Variants in SGMS1 observed in about 807,000 individuals in gnomAD.
SGMS1 encodes phosphatidylcholine:ceramide cholinephosphotransferase 1.
In SGMS1, 13 loss-of-function variants were observed where a neutral mutation model predicts 46.2. The ratio of observed to expected loss-of-function variants is 0.28; its 90% CI spans 0.18 to 0.45. The LOEUF (loss-of-function observed/expected upper bound fraction) is 0.45, where lower values mean the gene tolerates loss of function less well. SGMS1 is among the 20% of genes least tolerant of loss of function. The pLI is 1.00. For missense variants in SGMS1, 324 were observed against 519.9 expected, an observed-to-expected ratio of 0.62 and a Z score of 3.66; for synonymous variants, 203 against 187.8, an observed-to-expected ratio of 1.08 and a Z score of -0.66.
At chr10:50,400,602 C>T (rs1454242422) in intron 6 of SGMS1, among the ~76,000 whole-genome samples, 1 of 151,454 alleles carries the variant, frequency 6.6e-6, no homozygotes, top group Non-Finnish European at 1.5e-5. Context: ...AGCTATATAC[C>T]ACCTCGCCCA....
Position 50,561,616 on chromosome 10 carries a change from A to G in SGMS1, c.-589+28537T>C, listed in dbSNP as rs559619422. 1.4e-4 allele frequency among the ~76,000 whole-genome samples: 21 copies of G among 152,332 alleles called. 1 individual carries two copies. In the South Asian group the frequency reaches 4.1e-3, roughly 30 times the overall value. ...AAGATTTAAAGCAGCTACCACAGAC[A>G]CCGATTACAGACACTCACTTTAATG... On this transcript the variant is annotated intron_variant, in intron 2 of 10. Transcript: ENST00000361781.
In SGMS1 at chr10:50,435,193, G is replaced by C. The variant is rs527446801; in HGVS notation, c.-312-1637C>G. On this transcript the variant is annotated intron_variant, in intron 5 of 10. Coordinates refer to ENST00000361781, the MANE Select transcript of SGMS1 (RefSeq NM_147156.4). ...GCTGTTTAATAGCAGTGTGATCTTTGCCAAGTAATTTATTCCTTCTAAGGC... is the reference window on the plus strand; with the variant it reads ...GCTGTTTAATAGCAGTGTGATCTTTCCCAAGTAATTTATTCCTTCTAAGGC... Among the ~76,000 whole-genome samples the C allele has an allele frequency of 1.1e-4, 16 of 152,266 alleles. No homozygotes were observed. The South Asian group carries it at 2.5e-3, about 24-fold the overall frequency.
intron 2 of SGMS1, among the ~76,000 whole-genome samples, chr10:50,562,092 T>A (rs1404085966): frequency 6.6e-6 from 1 of 152,188 alleles, no homozygotes; most frequent in East Asian, 1.9e-4. Context: ...TCAGCAAATA[T>A]GTCTCAGGCC....
chr10:50,326,240 A>G (rs1847531188), intron 8 of SGMS1, among the ~76,000 whole-genome samples: 1 of 152,234 alleles, frequency 6.6e-6, no homozygotes, highest in African/African-American at 2.4e-5. Context: ...ATGTAAGTTT[A>G]GCAAAGAAAA....
At chr10:50,350,250 T>C (rs2133377827) in intron 6 of SGMS1, among the ~76,000 whole-genome samples, 1 of 152,256 alleles carries the variant, frequency 6.6e-6, no homozygotes, top group South Asian at 2.1e-4. Flanking sequence ...TTAGGGTACC[T>C]GGCGGAAGAA....
chr10:50,432,220 T>G (rs921007753), intron 6 of SGMS1, among the ~76,000 whole-genome samples: 1 of 152,202 alleles, frequency 6.6e-6, no homozygotes, highest in African/African-American at 2.4e-5. Flanking sequence ...TTTAGCAAGC[T>G]GGTTGTTAAA....
intron 2 of SGMS1, among the ~76,000 whole-genome samples, chr10:50,545,964 G>A (rs2133825080): frequency 6.6e-6 from 1 of 152,290 alleles, no homozygotes; most frequent in South Asian, 2.1e-4. Context: ...ATGCATTCTG[G>A]AGATATACAA....
At chr10:50,479,475 T>C (rs868550663) in intron 3 of SGMS1, among the ~76,000 whole-genome samples, 1 of 152,202 alleles carries the variant, frequency 6.6e-6, no homozygotes, top group African/African-American at 2.4e-5. Flanking sequence ...AACAATATAT[T>C]GGAGATTAAC....
At chr10:50,429,694 T>TAC (rs71471389) in intron 6 of SGMS1, among the ~76,000 whole-genome samples, 143 of 83,386 alleles carry the variant, frequency 1.7e-3, no homozygotes, top group South Asian at 8.1e-3. Context: ...TTTCTACACA[T>TAC]ACACACACAC....
intron 6 of SGMS1, among the ~76,000 whole-genome samples, chr10:50,375,925 G>T (rs1848516085): frequency 6.6e-6 from 1 of 152,090 alleles, no homozygotes; most frequent in Non-Finnish European, 1.5e-5. Flanking sequence ...TCAAACTCCT[G>T]GATTCAAGCA....
At chr10:50,401,957 A>G (rs77758921) in intron 6 of SGMS1, among the ~76,000 whole-genome samples, 325 of 152,374 alleles carry the variant, frequency 2.1e-3, no homozygotes, top group Non-Finnish European at 3.3e-3. Context: ...CTAAAGATGC[A>G]AAAGATGGAC....
chr10:50,562,467 G>A (rs1838249108), intron 2 of SGMS1, among the ~76,000 whole-genome samples: 1 of 152,130 alleles, frequency 6.6e-6, no homozygotes, highest in Admixed American at 6.5e-5. Context: ...GTGGTTGGTA[G>A]ACCATGTTTG....
chr10:50,491,435 G>A (rs1045961911), intron 3 of SGMS1, among the ~76,000 whole-genome samples: 1 of 152,296 alleles, frequency 6.6e-6, no homozygotes, highest in South Asian at 2.1e-4. Context: ...TCATATTTAA[G>A]TATCAGAAAA....
chr10:50,377,893 T>C (rs1848542490), intron 6 of SGMS1, among the ~76,000 whole-genome samples: 1 of 152,210 alleles, frequency 6.6e-6, no homozygotes, highest in Admixed American at 6.5e-5. Context: ...TTGCCTTCCC[T>C]TCATGTCAAA....
chr10:50,474,478 C>T (rs141178096), intron 3 of SGMS1, among the ~76,000 whole-genome samples: 1 of 152,268 alleles, frequency 6.6e-6, no homozygotes, highest in East Asian at 1.9e-4. Flanking sequence ...GGAAGCCTCT[C>T]TGTGGGCAGT....
At chr10:50,619,965 C>G (rs1445215026) in intron 1 of SGMS1, among the ~76,000 whole-genome samples, 2 of 152,202 alleles carry the variant, frequency 1.3e-5, no homozygotes, top group Non-Finnish European at 2.9e-5. Context: ...GTGTGAGTCT[C>G]TGTGTCTGTG....
intron 1 of SGMS1, among the ~76,000 whole-genome samples, chr10:50,604,400 T>C (rs184096579): frequency 5.9e-5 from 9 of 152,268 alleles, no homozygotes; most frequent in African/African-American, 2.2e-4. Flanking sequence ...ACCAGAACTG[T>C]AGAGAGCCAC....
intron 6 of SGMS1, among the ~76,000 whole-genome samples, chr10:50,372,124 T>C (rs537580698): frequency 2.0e-5 from 3 of 152,340 alleles, no homozygotes; most frequent in African/African-American, 7.2e-5. Flanking sequence ...TTTTTCATTA[T>C]TGTATTCCCA....
At chr10:50,318,514 C>T (rs189255641) in intron 8 of SGMS1, among the ~76,000 whole-genome samples, 59 of 152,314 alleles carry the variant, frequency 3.9e-4, no homozygotes, top group Non-Finnish European at 7.8e-4. Context: ...TAAGGGAGAA[C>T]TCAATGCCTA....
Sources: allele counts gnomAD v4.1 joint callset (sites outside exome capture counted in the v4.1 genomes callset), GRCh38; gene constraint gnomAD v4.1.1; transcripts MANE v1.5; gene names NCBI Gene and HGNC (gene_info 2026-07-23, HGNC 2026-07-21).